The following MTMR10 variants were observed in gnomAD, a reference collection of about 807,000 sequenced individuals.
The protein encoded by MTMR10 is myotubularin-related protein 10.
Under a neutral mutation model 88.1 loss-of-function variants are expected in MTMR10, and 56 were observed. The ratio of observed to expected loss-of-function variants is 0.64; its 90% confidence interval spans 0.51 to 0.79. The LOEUF (loss-of-function observed/expected upper bound fraction) is 0.79. MTMR10 is among the 30% of genes least tolerant of loss of function. The probability of loss-of-function intolerance (pLI) is 0.00; values close to 1 mark genes in which losing one functional copy is unlikely to be tolerated. For missense variants in MTMR10, 883 were observed against 924.7 expected, an observed-to-expected ratio of 0.95 and a Z score of 0.58; for synonymous variants, 380 against 340.9, an observed-to-expected ratio of 1.11 and a Z score of -1.26.
chr15:30,964,919 A>G (rs1221322375), intron 6 of MTMR10, among the ~76,000 whole-genome samples: 2 of 152,246 alleles, frequency 1.3e-5, no homozygotes, highest in Non-Finnish European at 2.9e-5. Context: ...GCAACAGAAA[A>G]TACAAGTCAT....
At chr15:30,953,680 T>C (rs770575256) in intron 10 of MTMR10, 49 bp from the exon 11 acceptor site, 10 of 1,193,910 alleles carry the variant, frequency 8.4e-6, no homozygotes, top group Middle Eastern at 2.0e-4. Flanking sequence ...TTTTATACGA[T>C]CCCTATCAGA....
At chr15:30,942,631 A>T (rs1451725167) in intron 15 of MTMR10, 1 of 445,564 alleles carries the variant, frequency 2.2e-6, no homozygotes, top group African/African-American at 2.0e-5. Context: ...AGAAATGGAT[A>T]AATGGGGCTT....
the MTMR10 span, chr15:30,929,190 C>T: frequency 5.6e-6 from 9 of 1,608,944 alleles, 1 homozygote; most frequent in South Asian, 7.7e-5. Context: ...AGCTTGCTTT[C>T]CCTGTGACAC....
intron 1 of MTMR10, 52 bp downstream of exon 1, chr15:30,991,395 C>T (rs2031318425): frequency 4.9e-6 from 7 of 1,420,098 alleles, no homozygotes; most frequent in Non-Finnish European, 6.5e-6. Context: ...GGCCTGGAGG[C>T]TCCACGGAAG....
downstream of MTMR10, among the ~76,000 whole-genome samples, chr15:30,935,632 G>GT (rs2062831967): frequency 6.6e-6 from 1 of 152,196 alleles, no homozygotes; most frequent in Non-Finnish European, 1.5e-5. Flanking sequence ...ATGGATTTTG[G>GT]TAACAGAGGG....
At chr15:30,923,607 T>C in the MTMR10 span, among the ~76,000 whole-genome samples, 1 of 152,214 alleles carries the variant, frequency 6.6e-6, no homozygotes, top group Non-Finnish European at 1.5e-5. Flanking sequence ...CAAAGTGCTC[T>C]GCAGCCAGCC....
intron 2 of MTMR10, 91 bp from the exon 3 acceptor site, chr15:30,977,046 G>A: frequency 8.1e-7 from 1 of 1,231,312 alleles, no homozygotes; most frequent in South Asian, 1.4e-5. Context: ...ATGAGGGCAA[G>A]GATGAGGATA....
intron 5 of MTMR10, among the ~76,000 whole-genome samples, chr15:30,971,368 C>T (rs1052256884): frequency 1.1e-4 from 16 of 152,152 alleles, no homozygotes; most frequent in Non-Finnish European, 2.2e-4. Flanking sequence ...TTCCTAAGAT[C>T]ACCTGGGGTG....
rs2063081354 is a variant in MTMR10, at chr15:30,942,300, G to A, written c.1732-228C>T. The A allele has an allele frequency of 1.3e-5, 8 of 592,680 alleles. No homozygotes were observed. In the South Asian group the frequency reaches 1.5e-4, roughly 11 times the overall value. The allele number at this position is 592,680 out of a possible 1,614,324, so 36.7% of individuals were successfully genotyped here. ...GTTACTATCAGCCTGAATGGGGGCG[G>A]GATGAGAGTACCTCCTATCCACTAA... On this transcript the variant is annotated intron_variant, in intron 15 of 15. Transcript: ENST00000435680.
At chr15:30,937,433 C>G (rs1265886421), downstream of MTMR10, among the ~76,000 whole-genome samples, 2 of 149,264 alleles carry the variant, frequency 1.3e-5, no homozygotes, top group African/African-American at 2.5e-5. Context: ...TGATTCCACA[C>G]AGTGGGTAAT....
At chr15:30,930,589 G>A in the MTMR10 span, 12 of 1,613,080 alleles carry the variant, frequency 7.4e-6, no homozygotes, top group Non-Finnish European at 1.0e-5. Context: ...GGTGTGTGCA[G>A]GCACCTGGCT....
the MTMR10 span, among the ~76,000 whole-genome samples, chr15:30,932,353 A>G: frequency 1.3e-5 from 2 of 152,128 alleles, no homozygotes; most frequent in African/African-American, 4.8e-5. Context: ...GATTTTGTAA[A>G]ATATTAAGAA....
chr15:30,940,920 C>T lies in MTMR10; in HGVS notation c.*550G>A. 1 of 1,045,500 alleles carries T rather than the reference C, an allele frequency of 9.6e-7. No homozygotes were observed. Among genetic ancestry groups the T allele is most frequent in the Non-Finnish European group, 1.2e-6 (1 of 865,258 alleles). 64.8% of individuals were successfully genotyped at this position (1,045,500 alleles called of 1,614,324 possible). A position where few individuals can be genotyped will look rare whatever the true frequency, so the allele number is the denominator to read the frequency against. ...GAAGTTAAAAGCAAACTCATGATTTCAAAACACAGTGATCTAAGGTTCCAA... is the reference window on the plus strand; with the variant it reads ...GAAGTTAAAAGCAAACTCATGATTTTAAAACACAGTGATCTAAGGTTCCAA... On this transcript the variant is annotated 3_prime_UTR_variant, in exon 16 of 16. Transcript: ENST00000435680.
At chr15:30,952,606 T>A (rs1005930195) in intron 11 of MTMR10, among the ~76,000 whole-genome samples, 3 of 152,096 alleles carry the variant, frequency 2.0e-5, no homozygotes, top group Non-Finnish European at 4.4e-5. Context: ...CCTCAAGTGA[T>A]CCTCCTGCCT....
the MTMR10 span, chr15:30,927,359 A>G: frequency 7.1e-6 from 7 of 985,360 alleles, no homozygotes; most frequent in African/African-American, 3.5e-5. Flanking sequence ...CTAGGAAGAA[A>G]AGTCCTCCTG....
chr15:30,944,184 G>T (rs938869792), intron 14 of MTMR10, among the ~76,000 whole-genome samples: 2 of 152,164 alleles, frequency 1.3e-5, no homozygotes, highest in South Asian at 4.1e-4. Flanking sequence ...GCTAAGCTGT[G>T]TAACAGCACA....
intron 2 of MTMR10, among the ~76,000 whole-genome samples, chr15:30,989,804 C>A (rs995016567): frequency 7.2e-5 from 11 of 151,998 alleles, no homozygotes; most frequent in African/African-American, 2.7e-4. Context: ...CCAGGATGGT[C>A]TCGGTCTCTT....
At chr15:30,974,081 C>A (rs2029920338) in intron 5 of MTMR10, among the ~76,000 whole-genome samples, 1 of 152,100 alleles carries the variant, frequency 6.6e-6, no homozygotes, top group Non-Finnish European at 1.5e-5. Flanking sequence ...ACGTAAGAGT[C>A]TTTAATATTT....
At chr15:30,943,134 A>G (rs2140990427) in intron 14 of MTMR10, 62 bp from the exon 15 acceptor site, 1 of 1,499,624 alleles carries the variant, frequency 6.7e-7, no homozygotes, top group Non-Finnish European at 8.9e-7. Flanking sequence ...GCCTTTTTTC[A>G]GATGAGCCAC....
Sources: gnomAD v4.1 joint callset for allele counts (sites outside exome capture counted in the v4.1 genomes callset) on GRCh38, gnomAD v4.1.1 for gene constraint, MANE v1.5 for transcripts, NCBI Gene and HGNC (gene_info 2026-07-23, HGNC 2026-07-21) for gene names.